The following PHACTR1 variants were observed in gnomAD, a reference collection of about 807,000 sequenced individuals.
The protein encoded by PHACTR1 is RPEL repeat containing 1.
In PHACTR1, 16 loss-of-function variants were observed where a neutral mutation model predicts 69.2. The observed-to-expected ratio is 0.23, with a 90% CI of 0.16 to 0.35. PHACTR1 has a LOEUF of 0.35. PHACTR1 is among the 10% of genes least tolerant of loss of function. PHACTR1 has a pLI of 1.00. For synonymous variants in PHACTR1, 312 were observed against 284.5 expected (o/e 1.10, Z -0.97); for missense variants, 510 against 734.7 (o/e 0.69, Z 3.54).
intron 5 of PHACTR1, among the ~76,000 whole-genome samples, chr6:13,146,117 C>G (rs1823310712): frequency 1.3e-5 from 2 of 152,172 alleles, no homozygotes; most frequent in South Asian, 4.1e-4. Context: ...GCAACTTGGG[C>G]AGGTCATGTA....
intron 4 of PHACTR1, among the ~76,000 whole-genome samples, chr6:13,031,434 G>A (rs1420142197): frequency 6.6e-6 from 1 of 152,230 alleles, no homozygotes. Context: ...AACATTGAAT[G>A]TGGTTATATC....
At chr6:12,987,982 T>C (rs1308491410) in intron 4 of PHACTR1, among the ~76,000 whole-genome samples, 1 of 152,184 alleles carries the variant, frequency 6.6e-6, no homozygotes, top group Non-Finnish European at 1.5e-5. Flanking sequence ...ACTCTCCTGC[T>C]GGGGCCCCTT....
intron 3 of PHACTR1, among the ~76,000 whole-genome samples, chr6:12,736,790 C>G (rs539133): frequency 0.22 from 32,767 of 151,986 alleles, 4,312 homozygotes; most frequent in East Asian, 0.61. Context: ...TCAGATTCAC[C>G]TATTAAAAAA....
intron 4 of PHACTR1, among the ~76,000 whole-genome samples, chr6:12,909,344 G>C (rs533430145): frequency 6.6e-6 from 1 of 152,126 alleles, no homozygotes; most frequent in Non-Finnish European, 1.5e-5. Context: ...TTGTGGTGCC[G>C]TCTTAAACTG....
intron 4 of PHACTR1, among the ~76,000 whole-genome samples, chr6:13,022,584 G>A (rs2127671236): frequency 6.6e-6 from 1 of 151,904 alleles, no homozygotes; most frequent in East Asian, 1.9e-4. Flanking sequence ...CACCTTTCAA[G>A]TTACAACTGC....
chr6:12,963,144 T>C (rs1357063411), intron 4 of PHACTR1, among the ~76,000 whole-genome samples: 1 of 152,226 alleles, frequency 6.6e-6, no homozygotes, highest in Non-Finnish European at 1.5e-5. Flanking sequence ...AGCTCATAGC[T>C]GAGGTATTCT....
Position 13,283,257 on chromosome 6 carries a change from G to A in PHACTR1, c.1510-165G>A, listed in dbSNP as rs1161275088. 1 of 703,448 alleles carries A rather than the reference G, an allele frequency of 1.4e-6. No individual in the cohort carries two copies. The highest frequency in any genetic ancestry group is 2.3e-6 in the Non-Finnish European group (1 of 438,588). 43.6% of individuals were successfully genotyped at this position (703,448 alleles called of 1,614,324 possible). The stretch of plus-strand genomic sequence containing the variant: ...CACTCCCAAGAGTCAGGAGACTTGG[G>A]TCCCCCCACCCTGGCCCTCCCCCTG... On this transcript the variant is annotated intron_variant, in intron 12 of 14. Transcript: ENST00000332995. This position sits in a 1 kb window ranked among gnomAD's most constrained non-coding sequence, Gnocchi z 4.7.
chr6:12,766,446 G>A (rs888013356), intron 4 of PHACTR1, among the ~76,000 whole-genome samples: 4 of 152,110 alleles, frequency 2.6e-5, no homozygotes, highest in Admixed American at 6.5e-5. Context: ...AAAAACCCCC[G>A]GAATCTAGAA....
At chr6:13,281,493 G>A (rs1348784111) in intron 12 of PHACTR1, 4 of 329,288 alleles carry the variant, frequency 1.2e-5, no homozygotes, top group South Asian at 2.2e-5. Flanking sequence ...GGCGGAGGTT[G>A]CAGTGAGCCG....
At chr6:13,156,461 T>C (rs1758185780) in intron 5 of PHACTR1, among the ~76,000 whole-genome samples, 1 of 151,464 alleles carries the variant, frequency 6.6e-6, no homozygotes, top group African/African-American at 2.4e-5. Context: ...GTACTTTCTT[T>C]AATGCTTGGC....
At chr6:12,955,397 G>A (rs545336288) in intron 4 of PHACTR1, among the ~76,000 whole-genome samples, 143 of 151,914 alleles carry the variant, frequency 9.4e-4, no homozygotes, top group Non-Finnish European at 1.8e-3. Context: ...TAGCAACGGG[G>A]TCTTGCTATG....
intron 3 of PHACTR1, among the ~76,000 whole-genome samples, chr6:12,740,822 C>A (rs965675366): frequency 3.3e-5 from 5 of 151,580 alleles, no homozygotes; most frequent in African/African-American, 9.7e-5. Context: ...TCTCTTATAT[C>A]CTTTTAATAG....
chr6:13,060,397 T>C (rs759876925), intron 5 of PHACTR1, among the ~76,000 whole-genome samples: 12 of 152,150 alleles, frequency 7.9e-5, no homozygotes, highest in African/African-American at 2.9e-4. Flanking sequence ...TGTGTGTCTA[T>C]AGGGGGTTGT....
At chr6:12,989,175 A>T (rs1470881596) in intron 4 of PHACTR1, among the ~76,000 whole-genome samples, 14 of 152,260 alleles carry the variant, frequency 9.2e-5, no homozygotes, top group Non-Finnish European at 2.9e-5. Flanking sequence ...CAGGTGGGCA[A>T]GCCATCTATT....
chr6:13,107,138 G>T (rs752413634), intron 5 of PHACTR1, among the ~76,000 whole-genome samples: 1 of 151,736 alleles, frequency 6.6e-6, no homozygotes, highest in African/African-American at 2.4e-5. Flanking sequence ...ACTCTTTCCA[G>T]ACAGACTCTT....
intron 4 of PHACTR1, among the ~76,000 whole-genome samples, chr6:12,796,086 A>G (rs1048488839): frequency 1.3e-5 from 2 of 152,176 alleles, no homozygotes; most frequent in African/African-American, 4.8e-5. Flanking sequence ...TTCTAGGTTA[A>G]GTTGAAAAGA....
chr6:12,792,794 T>G (rs146532483), intron 4 of PHACTR1, among the ~76,000 whole-genome samples: 150 of 151,978 alleles, frequency 9.9e-4, no homozygotes, highest in African/African-American at 3.4e-3. Flanking sequence ...AGCTGTAGAT[T>G]CTTCAAGCTT....
intron 4 of PHACTR1, among the ~76,000 whole-genome samples, chr6:12,995,244 A>T (rs1582877956): frequency 1.4e-5 from 2 of 137,992 alleles, no homozygotes; most frequent in Admixed American, 7.1e-5. Context: ...GACAACTATT[A>T]AAAAAAAAAA....
At chr6:13,025,671 T>TTCTG (rs1554108800) in intron 4 of PHACTR1, among the ~76,000 whole-genome samples, 2 of 140,220 alleles carry the variant, frequency 1.4e-5, no homozygotes, top group Non-Finnish European at 3.1e-5. Context: ...CATATATTAT[T>TTCTG]TGTGTGTGTG....
Sources: allele counts gnomAD v4.1 joint callset (sites outside exome capture counted in the v4.1 genomes callset), GRCh38; gene constraint gnomAD v4.1.1; non-coding constraint Gnocchi (gnomAD v3.1); transcripts MANE v1.5; gene names NCBI Gene and HGNC (gene_info 2026-07-23, HGNC 2026-07-21).